Variants in EIF4G3 observed in about 807,000 individuals in gnomAD.
EIF4G3 encodes eukaryotic translation initiation factor 4 gamma 3.
A neutral mutation model predicts 186.4 loss-of-function variants in EIF4G3; 34 were observed. The ratio of observed to expected loss-of-function variants is 0.18; its 90% confidence interval spans 0.14 to 0.24. The LOEUF (loss-of-function observed/expected upper bound fraction) is 0.24, where lower values mean the gene tolerates loss of function less well. Ranked by LOEUF, EIF4G3 falls within the 10% of genes least tolerant of loss-of-function variation. The pLI, the probability that EIF4G3 is intolerant of heterozygous loss-of-function variation, is 1.00. For missense variants in EIF4G3, 1,536 were observed against 1,948.5 expected (o/e 0.79, Z 3.99); for synonymous variants, 673 against 679.5 (o/e 0.99, Z 0.15).
chr1:20,916,737 G>C (rs2093922352), intron 14 of EIF4G3, among the ~76,000 whole-genome samples: 1 of 152,148 alleles, frequency 6.6e-6, no homozygotes. Context: ...TCACGACCGT[G>C]TGGTATGAGC....
intron 4 of EIF4G3, among the ~76,000 whole-genome samples, chr1:21,031,445 C>T (rs912939013): frequency 8.1e-5 from 12 of 148,484 alleles, no homozygotes; most frequent in Non-Finnish European, 1.5e-4. Context: ...ACAAGGGTTG[C>T]AGGCAAACAA....
chr1:20,964,679 T>C (rs1558467778), intron 12 of EIF4G3, among the ~76,000 whole-genome samples: 1 of 152,238 alleles, frequency 6.6e-6, no homozygotes, highest in Non-Finnish European at 1.5e-5. Context: ...CATATGTTTT[T>C]GAAACCCTTT....
At chr1:20,893,694 A>C in intron 17 of EIF4G3, 58 bp from the exon 18 acceptor site, 1 of 1,425,568 alleles carries the variant, frequency 7.0e-7, no homozygotes, top group Non-Finnish European at 9.3e-7. Context: ...CCTGCCACAA[A>C]AGATAACAAA....
At chr1:20,842,791 C>T (rs774564155) in intron 29 of EIF4G3, among the ~76,000 whole-genome samples, 16 of 151,904 alleles carry the variant, frequency 1.1e-4, no homozygotes, top group Admixed American at 9.2e-4. Context: ...TTCCAACTTC[C>T]AGAACGTTGC....
intron 2 of EIF4G3, among the ~76,000 whole-genome samples, chr1:21,160,040 G>C (rs1301914526): frequency 6.6e-6 from 1 of 151,372 alleles, no homozygotes; most frequent in African/African-American, 2.4e-5. Flanking sequence ...CTGGGAGGCA[G>C]AGGTTGCAGT....
chr1:20,997,595 C>T lies in EIF4G3; in HGVS notation c.177+6G>A, dbSNP rs1437252436. On this transcript the variant is annotated splice_donor_region_variant and intron_variant, in intron 7 of 36. Coordinates refer to ENST00000602326, the MANE Select transcript of EIF4G3 (RefSeq NM_001391906.1). ...GGGTGATAGTGAAGGGGCAAGGGTA[C>T]AGTACCTGATGATGGGGAGGTCGAG... is the stretch of plus-strand genomic sequence containing the variant. 31 of 1,549,678 alleles carry T rather than the reference C, an allele frequency of 2.0e-5. No homozygotes were observed. Among genetic ancestry groups the T allele is most frequent in the Non-Finnish European group, 2.7e-5 (31 of 1,146,590 alleles).
chr1:21,157,098 T>C (rs1338312099), intron 2 of EIF4G3, among the ~76,000 whole-genome samples: 5 of 152,176 alleles, frequency 3.3e-5, no homozygotes, highest in Non-Finnish European at 7.3e-5. Flanking sequence ...TACAGTTAGA[T>C]ATCCAAAGGT....
At chr1:20,951,645 T>C (rs1378816788) in intron 12 of EIF4G3, among the ~76,000 whole-genome samples, 1 of 152,018 alleles carries the variant, frequency 6.6e-6, no homozygotes, top group Non-Finnish European at 1.5e-5. Flanking sequence ...CATTAAGCAG[T>C]TAACCACATT....
intron 18 of EIF4G3, among the ~76,000 whole-genome samples, chr1:20,889,562 T>A (rs1336142308): frequency 6.6e-6 from 1 of 152,208 alleles, no homozygotes; most frequent in Non-Finnish European, 1.5e-5. Flanking sequence ...AGTGGCACGA[T>A]CTCGGCTCAC....
At chr1:20,887,195 G>C (rs1302313915) in intron 18 of EIF4G3, among the ~76,000 whole-genome samples, 2 of 151,224 alleles carry the variant, frequency 1.3e-5, no homozygotes, top group South Asian at 2.1e-4. Context: ...CATTCTGTTA[G>C]TGCTGGGCAA....
intron 14 of EIF4G3, chr1:20,929,461 A>G (rs1016479754): frequency 2.6e-5 from 4 of 152,234 alleles, no homozygotes; most frequent in African/African-American, 7.2e-5. Flanking sequence ...TTTATTAAAA[A>G]CATTTCAGAA....
rs144135391 is a variant in EIF4G3, at chr1:21,019,976, C to T, written c.-66-17168G>A. ...AAACAAGAAAATAATTCCTCTACTACAGGAAAACATTGGCTCTTCATGTCA... is the reference window on the plus strand; with the variant it reads ...AAACAAGAAAATAATTCCTCTACTATAGGAAAACATTGGCTCTTCATGTCA... On this transcript the variant is annotated intron_variant, in intron 4 of 36. Coordinates refer to ENST00000602326, the MANE Select transcript of EIF4G3 (RefSeq NM_001391906.1). 4.1e-4 allele frequency among the ~76,000 whole-genome samples: 62 copies of T among 152,324 alleles called. 1 individual carries two copies. In the East Asian group the frequency reaches 0.011, roughly 27 times the overall value.
intron 4 of EIF4G3, among the ~76,000 whole-genome samples, chr1:21,042,144 A>G (rs1242069828): frequency 6.6e-6 from 1 of 151,988 alleles, no homozygotes; most frequent in African/African-American, 2.4e-5. Flanking sequence ...ACGCCGCCAT[A>G]CCCGGCTAAT....
At chr1:21,151,397 C>T (rs1406432527) in intron 2 of EIF4G3, among the ~76,000 whole-genome samples, 2 of 151,748 alleles carry the variant, frequency 1.3e-5, no homozygotes, top group Admixed American at 6.6e-5. Context: ...CGCCACCACA[C>T]CTGGCTAATT....
chr1:20,842,170 T>TA (rs1243211716), intron 29 of EIF4G3, among the ~76,000 whole-genome samples: 7 of 152,236 alleles, frequency 4.6e-5, no homozygotes, highest in African/African-American at 1.7e-4. Flanking sequence ...AAATATTTGA[T>TA]ATATAGTACA....
rs1270641654 is a variant in EIF4G3 at position 20,879,424 on chromosome 1, C to G, written c.2521G>C (p.Glu841Gln). ...KQVSGLTVDT[E>Q]ERLKGVIDLV... ...TCAATAACTCCTTTCAGCCGCTCCT[C>G]TGTGTCAACAGTAAGTCCTGACACT... Residue 841 changes from glutamate (E) to glutamine (Q), a missense_variant, in exon 20 of 37, where the codon GAG becomes CAG. Coordinates refer to ENST00000602326, the MANE Select transcript of EIF4G3 (RefSeq NM_001391906.1). 1 of 1,600,242 alleles carries G rather than the reference C, an allele frequency of 6.2e-7. No homozygotes were observed. The highest frequency in any genetic ancestry group is 1.3e-5 in the African/African-American group (1 of 74,360).
At chr1:21,095,112 A>G (rs1051260778) in intron 2 of EIF4G3, among the ~76,000 whole-genome samples, 13 of 152,170 alleles carry the variant, frequency 8.5e-5, no homozygotes, top group African/African-American at 3.1e-4. Flanking sequence ...TATATTACTT[A>G]ACACGCCTAG....
At chr1:20,956,789 CAGAG>C (rs2096439459) in intron 12 of EIF4G3, among the ~76,000 whole-genome samples, 1 of 152,024 alleles carries the variant, frequency 6.6e-6, no homozygotes, top group African/African-American at 2.4e-5. Flanking sequence ...CCTCCTGCCT[CAGAG>C]ACAGGGTATC....
intron 15 of EIF4G3, among the ~76,000 whole-genome samples, chr1:20,901,508 G>A (rs2090276037): frequency 6.6e-6 from 1 of 151,958 alleles, no homozygotes; most frequent in East Asian, 1.9e-4. Context: ...CTTTTTTTTA[G>A]AGAATACAGT....
Sources: allele counts gnomAD v4.1 joint callset (sites outside exome capture counted in the v4.1 genomes callset), GRCh38; gene constraint gnomAD v4.1.1; transcripts MANE v1.5; gene names NCBI Gene and HGNC (gene_info 2026-07-23, HGNC 2026-07-21).